The following AHCY variants were observed in gnomAD, a reference collection of about 807,000 sequenced individuals.
AHCY encodes adenosylhomocysteinase, also known as S-adenosyl-L-homocysteine hydrolase.
In AHCY, 24 loss-of-function variants were observed where a neutral mutation model predicts 45.4. The ratio of observed to expected loss-of-function variants is 0.53; its 90% CI spans 0.38 to 0.74. The LOEUF (loss-of-function observed/expected upper bound fraction) is 0.74, where lower values mean the gene tolerates loss of function less well. Among genes scored for constraint, AHCY ranks in the 30% least tolerant of loss-of-function variants. AHCY has a pLI of 0.00. For synonymous variants in AHCY, 245 were observed against 235.1 expected (o/e 1.04, Z -0.39); for missense variants, 449 against 594.1 (o/e 0.76, Z 2.54).
chr20:34,286,777 T>C (rs1274839571), intron 8 of AHCY, among the ~76,000 whole-genome samples: 3 of 135,566 alleles, frequency 2.2e-5, no homozygotes, highest in Non-Finnish European at 4.5e-5. Context: ...GAGGTTGTGG[T>C]GAGCCAAGAT....
chr20:34,238,789 C>A, the AHCY span, among the ~76,000 whole-genome samples: 1 of 151,982 alleles, frequency 6.6e-6, no homozygotes, highest in Non-Finnish European at 1.5e-5. Context: ...CAGGTTCTCC[C>A]CTTTCCTCAG....
chr20:34,304,846 G>A (rs2036875880), upstream of AHCY, among the ~76,000 whole-genome samples: 1 of 151,578 alleles, frequency 6.6e-6, no homozygotes, highest in African/African-American at 2.4e-5. Flanking sequence ...GAGCCACCAC[G>A]CCTGGCTAAT....
At chr20:34,265,413 A>G in the AHCY span, among the ~76,000 whole-genome samples, 1 of 152,086 alleles carries the variant, frequency 6.6e-6, no homozygotes, top group South Asian at 2.1e-4. Context: ...AGTCCCAGAT[A>G]CTCAGGAGGC....
At chr20:34,251,614 C>T in the AHCY span, among the ~76,000 whole-genome samples, 38 of 152,280 alleles carry the variant, frequency 2.5e-4, no homozygotes, top group African/African-American at 8.7e-4. Context: ...GGCACAATGA[C>T]AGGGAGGCAA....
chr20:34,262,874 A>C, the AHCY span: 1 of 1,614,100 alleles, frequency 6.2e-7, no homozygotes, highest in Non-Finnish European at 8.5e-7. Flanking sequence ...AAAGCAGCAG[A>C]AAAGAAAAGA....
In AHCY at chr20:34,290,341, G is replaced by T; in HGVS notation, c.963C>A (p.Ile321=). ...LNENAVEKVN[I]KPQVDRYRLK... is the part of the protein sequence containing the mutation. ...GGCGGGAGCTTCTCACCTGCGGCTT[G>T]ATGTTCACCTTCTCCACGGCGTTCT... is the stretch of plus-strand genomic sequence containing the variant. Residue 321 remains isoleucine (I), a synonymous_variant, in exon 8 of 10, where the codon ATC becomes ATA. Transcript: ENST00000217426. The surrounding 1 kb of genome is among the most constrained non-coding windows in gnomAD (Gnocchi z 4.5). The T allele has an allele frequency of 6.2e-7, 1 of 1,614,062 alleles. No homozygotes were observed. The highest frequency in any genetic ancestry group is 1.7e-4 in the Middle Eastern group (1 of 6,054).
rs566927058 is a variant in AHCY at position 34,303,064 on chromosome 20, G to C, written c.28+179C>G. ...TTGTAGTCCACGGCCACCCGGAACG[G>C]CCCGCTCATGGCCGCGCGAGAACTC... is the stretch of plus-strand genomic sequence containing the variant. On this transcript the variant is annotated intron_variant, in intron 1 of 9. Coordinates refer to ENST00000217426, the MANE Select transcript of AHCY (RefSeq NM_000687.4). 4.1e-6 allele frequency: 4 copies of C among 985,346 alleles called. No homozygotes were observed. In the Admixed American group the frequency reaches 2.5e-4, roughly 60 times the overall value. 61.0% of individuals were successfully genotyped at this position (985,346 alleles called of 1,614,324 possible).
the AHCY span, among the ~76,000 whole-genome samples, chr20:34,241,857 A>G: frequency 6.6e-6 from 1 of 152,354 alleles, no homozygotes; most frequent in Admixed American, 6.5e-5. Flanking sequence ...CAGATTTCTA[A>G]TAACTCTTAC....
At chr20:34,302,972 G>C in intron 1 of AHCY, 1 of 985,450 alleles carries the variant, frequency 1.0e-6, no homozygotes, top group Non-Finnish European at 1.2e-6. Context: ...CTCTCCCGCG[G>C]AGCACGCCGC....
chr20:34,267,483 A>AG, the AHCY span, among the ~76,000 whole-genome samples: 1 of 150,444 alleles, frequency 6.6e-6, no homozygotes, highest in Non-Finnish European at 1.5e-5. Flanking sequence ...AAAAAAAAAA[A>AG]GAACTGTGAT....
the AHCY span, among the ~76,000 whole-genome samples, chr20:34,253,279 T>C: frequency 6.6e-6 from 1 of 151,328 alleles, no homozygotes; most frequent in Non-Finnish European, 1.5e-5. Flanking sequence ...CTAATTTTTT[T>C]GTATTTTTAG....
At chr20:34,269,104 C>G in the AHCY span, 1 of 1,566,664 alleles carries the variant, frequency 6.4e-7, no homozygotes, top group Non-Finnish European at 8.6e-7. Flanking sequence ...ACCCGTGCGC[C>G]TCCTGCCAGT....
chr20:34,292,755 TCTC>T (rs1480806725), intron 3 of AHCY, among the ~76,000 whole-genome samples: 1 of 152,168 alleles, frequency 6.6e-6, no homozygotes, highest in African/African-American at 2.4e-5. Flanking sequence ...GCCTCAGTCT[TCTC>T]CTCTGTAAAT....
At chr20:34,303,468 A>G, upstream of AHCY, 1 of 765,872 alleles carries the variant, frequency 1.3e-6, no homozygotes, top group Non-Finnish European at 2.2e-6. Context: ...TCGATCCCTG[A>G]AAAGAAGCCT....
chr20:34,288,866 T>C (rs2036274267), intron 8 of AHCY, among the ~76,000 whole-genome samples: 1 of 152,182 alleles, frequency 6.6e-6, no homozygotes, highest in African/African-American at 2.4e-5. Flanking sequence ...GCAACTCAAG[T>C]AAAACTTCAC....
intron 4 of AHCY, 91 bp from the exon 5 acceptor site, chr20:34,291,622 T>C: frequency 1.7e-6 from 2 of 1,200,110 alleles, no homozygotes; most frequent in Non-Finnish European, 2.4e-6. Context: ...CATTCCTCTT[T>C]CTGGGTTCCC....
the AHCY span, among the ~76,000 whole-genome samples, chr20:34,258,941 G>T: frequency 7.1e-6 from 1 of 141,394 alleles, no homozygotes; most frequent in East Asian, 2.0e-4. Flanking sequence ...AACAAATATG[G>T]CTGAGTGGTG....
At chr20:34,263,288 G>C in the AHCY span, among the ~76,000 whole-genome samples, 8 of 152,212 alleles carry the variant, frequency 5.3e-5, no homozygotes, top group Admixed American at 3.3e-4. Context: ...TCTTAGGCCG[G>C]ATGCGGTGGC....
chr20:34,290,774 G>C lies in AHCY; in HGVS notation c.723C>G (p.Ile241Met). ...ALRGFGARVI[I>M]TEIDPINALQ... ...GTGCGTTGATGGGGTCAATCTCGGT[G>C]ATGATGACGCGGGCTCCGAAACCCC... Residue 241 changes from isoleucine to methionine, a missense_variant, in exon 6 of 10, where the codon ATC (isoleucine) becomes ATG (methionine). Transcript: ENST00000217426. The surrounding 1 kb of genome is among the most constrained non-coding windows in gnomAD (Gnocchi z 4.5). 4.3e-6 allele frequency: 7 copies of C among 1,614,028 alleles called. No homozygotes were observed. Among genetic ancestry groups the C allele is most frequent in the Non-Finnish European group, 5.9e-6 (7 of 1,180,004 alleles).
Sources: allele counts gnomAD v4.1 joint callset (sites outside exome capture counted in the v4.1 genomes callset), GRCh38; gene constraint gnomAD v4.1.1; non-coding constraint Gnocchi (gnomAD v3.1); transcripts MANE v1.5; gene names NCBI Gene and HGNC (gene_info 2026-07-23, HGNC 2026-07-21).